PRRT1B: variants seen among roughly 807,000 people sequenced by gnomAD.
PRRT1B encodes dispanin subfamily D member 2.
intron 3 of PRRT1B, among the ~76,000 whole-genome samples, 174 bp from the exon 4 acceptor site, chr9:131,557,879 C>A (rs1004531011): frequency 6.6e-6 from 1 of 152,262 alleles, no homozygotes; most frequent in African/African-American, 2.4e-5. Context: ...GGCTGGCGGC[C>A]GCCACTGCCA....
exon 4 of PRRT1B, chr9:131,558,217 C>T (rs1015393242): frequency 3.5e-5 from 14 of 400,858 alleles, no homozygotes; most frequent in African/African-American, 1.8e-4. Context: ...GTGGCTCCTG[C>T]GGAGATGCCG....
intron 1 of PRRT1B, 47 bp from the exon 2 acceptor site, chr9:131,554,510 C>T (rs987678520): frequency 1.3e-5 from 5 of 382,172 alleles, no homozygotes; most frequent in Admixed American, 4.5e-5. Context: ...CGACGTCCCA[C>T]CTAGCCCGGC....
At chr9:131,555,814 T>C (rs1054038161) in intron 2 of PRRT1B, among the ~76,000 whole-genome samples, 2 of 152,124 alleles carry the variant, frequency 1.3e-5, no homozygotes, top group African/African-American at 4.8e-5. Context: ...GGCTGGACCC[T>C]CGACTGAGCC....
In PRRT1B at chr9:131,551,226, G is replaced by A. The variant is rs1951010372; in HGVS notation, c.26-3331G>A. Among the ~76,000 whole-genome samples, 1 of 152,122 alleles carries A rather than the reference G, an allele frequency of 6.6e-6. No homozygotes were observed. Among genetic ancestry groups the A allele is most frequent in the East Asian group, 1.9e-4 (1 of 5,168 alleles). On this transcript the variant is annotated intron_variant, in intron 1 of 3. Transcript: ENST00000636672. This position sits in a 1 kb window ranked among gnomAD's most constrained non-coding sequence, Gnocchi z 4.4. ...CAAAATGCTGGGATTACGGGTGTGA[G>A]CCACCGCGCCCGACCTGCGTTTAGT...
At chr9:131,552,869 C>T (rs575674448) in intron 1 of PRRT1B, among the ~76,000 whole-genome samples, 25 of 132,906 alleles carry the variant, frequency 1.9e-4, no homozygotes, top group Non-Finnish European at 2.3e-4. Context: ...GTATTTTTAG[C>T]GAGACGGGGT....
intron 3 of PRRT1B, among the ~76,000 whole-genome samples, chr9:131,557,305 A>G (rs7041202): frequency 1 from 152,258 of 152,276 alleles, 76,120 homozygotes; most frequent in Non-Finnish European, 1. Flanking sequence ...TTGGGAGGCC[A>G]AGGTGGGTGG....
chr9:131,552,122 T>G (rs1951016280), intron 1 of PRRT1B, among the ~76,000 whole-genome samples: 1 of 152,238 alleles, frequency 6.6e-6, no homozygotes, highest in South Asian at 2.1e-4. Flanking sequence ...TGATTATTAC[T>G]GTGATTTATC....
At chr9:131,555,019 C>A in exon 2 of PRRT1B, 1 of 393,194 alleles carries the variant, frequency 2.5e-6, no homozygotes, top group South Asian at 1.3e-4. Context: ...GCCGCCTTCC[C>A]CTTCCCCGTG....
downstream of PRRT1B, among the ~76,000 whole-genome samples, chr9:131,558,849 C>T (rs972331627): frequency 1.6e-4 from 25 of 152,208 alleles, no homozygotes; most frequent in Admixed American, 5.9e-4. Context: ...ACTTTGGGGA[C>T]ACTTCCTGGC....
chr9:131,550,851 C>A (rs1300868484), intron 1 of PRRT1B, among the ~76,000 whole-genome samples: 2 of 152,042 alleles, frequency 1.3e-5, no homozygotes, highest in African/African-American at 4.8e-5. Context: ...TGGGTCCTCC[C>A]AATTCTTAGT....
chr9:131,558,320 T>A, exon 4 of PRRT1B: 1 of 398,984 alleles, frequency 2.5e-6, no homozygotes. Flanking sequence ...GCAGAGGGAA[T>A]CTGGGGGCCA....
chr9:131,556,867 A>C (rs1951054017), intron 3 of PRRT1B, among the ~76,000 whole-genome samples: 1 of 151,990 alleles, frequency 6.6e-6, no homozygotes, highest in South Asian at 2.1e-4. Flanking sequence ...TCCTGACCTC[A>C]GGTGATCCAC....
At position 131,554,907 on chromosome 9, in the gene PRRT1B, C is replaced by A. The variant is rs540487828; in HGVS notation, c.376C>A (p.Pro126Thr). The A allele has an allele frequency of 9.8e-4, 376 of 385,068 alleles. 1 individual carries two copies. Among genetic ancestry groups the A allele is most frequent in the African/African-American group, 6.6e-3 (317 of 48,040 alleles). The allele number at this position is 385,068 out of a possible 1,614,324, so 23.9% of individuals were successfully genotyped here. Reference sequence around the variant, plus strand: ...GCTGTACCCGCCCTTCCCGCAGGTGCCCGTGGTCCTGCAGCCCGCGCCGTC... The same window carrying A: ...GCTGTACCCGCCCTTCCCGCAGGTGACCGTGGTCCTGCAGCCCGCGCCGTC... Residue 126 changes from proline to threonine, a missense_variant, in exon 2 of 4, where the codon CCC becomes ACC. Transcript: ENST00000636672.
chr9:131,553,105 A>G (rs1951022605), intron 1 of PRRT1B, among the ~76,000 whole-genome samples: 1 of 152,164 alleles, frequency 6.6e-6, no homozygotes, highest in Non-Finnish European at 1.5e-5. Flanking sequence ...CTGGAAAGAC[A>G]TGCTTTTAAA....
At chr9:131,556,168 C>T in exon 3 of PRRT1B, 1 of 401,160 alleles carries the variant, frequency 2.5e-6, no homozygotes, top group Non-Finnish European at 4.4e-6. Flanking sequence ...TGACCCTCTT[C>T]TGCTGTCTGC....
chr9:131,553,865 G>T (rs1444012306), intron 1 of PRRT1B, among the ~76,000 whole-genome samples: 2 of 152,194 alleles, frequency 1.3e-5, no homozygotes, highest in Non-Finnish European at 2.9e-5. Flanking sequence ...AGGAGGTGCA[G>T]CCTTAAGAAT....
rs1457695243 is a variant in PRRT1B, at chr9:131,551,261, C to A, written c.26-3296C>A. Among the ~76,000 whole-genome samples the A allele has an allele frequency of 1.3e-5, 2 of 151,918 alleles. No individual in the cohort carries two copies. Among genetic ancestry groups the A allele is most frequent in the African/African-American group, 4.8e-5 (2 of 41,356 alleles). On this transcript the variant is annotated intron_variant, in intron 1 of 3. Transcript: ENST00000636672. This position sits in a 1 kb window ranked among gnomAD's most constrained non-coding sequence, Gnocchi z 4.4. Reference sequence around the variant, plus strand: ...CCGACCTGCGTTTAGTTTTTCAATTCATACAAAACCGCATCCAGGCCATCA... The same window carrying A: ...CCGACCTGCGTTTAGTTTTTCAATTAATACAAAACCGCATCCAGGCCATCA...
At position 131,555,120 on chromosome 9, in the gene PRRT1B, C is replaced by CCTTGCAGAAGAGGAAACGCCACCTTGG. The variant is rs147776408; in HGVS notation, c.498+92_498+93insTTGCAGAAGAGGAAACGCCACCTTGGC. On this transcript the variant is annotated intron_variant, in intron 2 of 3. Coordinates refer to ENST00000636672, the Ensembl canonical transcript of PRRT1B. ...GCGGAGGCCGATAGGTCACTTCTGT[C>CCTTGCAGAAGAGGAAACGCCACCTTGG]CCTGGGGGCGGGCGAGTCCGGGAGG... 5 of 381,296 alleles carry CCTTGCAGAAGAGGAAACGCCACCTTGG rather than the reference C, an allele frequency of 1.3e-5. No homozygotes were observed. The South Asian group carries it at 5.4e-4, about 41-fold the overall frequency. 23.6% of individuals were successfully genotyped at this position (381,296 alleles called of 1,614,324 possible). A position where few individuals can be genotyped will look rare whatever the true frequency, so the allele number is the denominator to read the frequency against.
At chr9:131,547,776 G>T (rs530843903) in intron 1 of PRRT1B, among the ~76,000 whole-genome samples, 3 of 152,242 alleles carry the variant, frequency 2.0e-5, no homozygotes, top group Admixed American at 6.5e-5. Flanking sequence ...CCAGTAAGCG[G>T]CCTCTCTTTA....
Sources: gnomAD v4.1 joint callset for allele counts (sites outside exome capture counted in the v4.1 genomes callset) on GRCh38, gnomAD v4.1.1 for gene constraint, Gnocchi (gnomAD v3.1) non-coding constraint, MANE v1.5 for transcripts, NCBI Gene and HGNC (gene_info 2026-07-23, HGNC 2026-07-21) for gene names.